The following ORC1 variants were observed in gnomAD, a reference collection of about 807,000 sequenced individuals.
ORC1 encodes origin recognition complex subunit 1.
Under a neutral mutation model 98.9 loss-of-function variants are expected in ORC1, and 61 were observed. That is an observed-to-expected ratio of 0.62 (90% CI 0.50 to 0.76). The LOEUF (loss-of-function observed/expected upper bound fraction) is 0.76, where lower values mean the gene tolerates loss of function less well. ORC1 is among the 30% of genes least tolerant of loss of function. The probability of loss-of-function intolerance (pLI) is 0.00; values close to 1 mark genes in which losing one functional copy is unlikely to be tolerated. For missense variants in ORC1, 979 were observed against 1,072.2 expected, an observed-to-expected ratio of 0.91 and a Z score of 1.21; for synonymous variants, 385 against 406.9, an observed-to-expected ratio of 0.95 and a Z score of 0.65.
chr1:52,377,422 A>G (rs1039917814), intron 14 of ORC1, among the ~76,000 whole-genome samples: 1 of 152,086 alleles, frequency 6.6e-6, no homozygotes, highest in Non-Finnish European at 1.5e-5. Flanking sequence ...CTACAGGCAC[A>G]TGCCATCGCA....
chr1:52,393,525 T>G lies in ORC1; in HGVS notation c.1000A>C (p.Arg334=), dbSNP rs1487810931. Residue 334 remains arginine, a synonymous_variant, in exon 6 of 17, where the codon AGA becomes CGA. Transcript: ENST00000371568. ...ASKTIDIREE[R]TLTPISGGQR... ...CCCCCACTGATAGGGGTAAGTGTTC[T>G]CTCCTCTCTAATGTCTATGGTTTTC... is the stretch of plus-strand genomic sequence containing the variant. 4 of 1,614,146 alleles carry G rather than the reference T, an allele frequency of 2.5e-6. No homozygotes were observed. In the Admixed American group the frequency reaches 5.0e-5, roughly 20 times the overall value.
chr1:52,380,398 T>C (rs1440672928), intron 14 of ORC1, among the ~76,000 whole-genome samples: 1 of 152,100 alleles, frequency 6.6e-6, no homozygotes, highest in African/African-American at 2.4e-5. Context: ...CAATTTCAAA[T>C]AAATAGGATG....
intron 14 of ORC1, among the ~76,000 whole-genome samples, chr1:52,379,496 G>C (rs1647035296): frequency 6.6e-6 from 1 of 151,846 alleles, no homozygotes; most frequent in African/African-American, 2.4e-5. Context: ...ACCTGCCTCA[G>C]CCTCCCAAAG....
chr1:52,381,777 GAC>G lies in ORC1; in HGVS notation c.2014-18_2014-17del. 1 of 1,611,648 alleles carries G rather than the reference GAC, an allele frequency of 6.2e-7. No homozygotes were observed. The highest frequency in any genetic ancestry group is 8.5e-7 in the Non-Finnish European group (1 of 1,178,536). ...TGGTAAGACCCTGGGGAGCCAAAAT[GAC>G]AGAGGAATAAGTTGGTTGACTGCCC... On this transcript the variant is annotated splice_polypyrimidine_tract_variant and intron_variant, in intron 13 of 16. Coordinates refer to ENST00000371568, the MANE Select transcript of ORC1 (RefSeq NM_004153.4).
intron 15 of ORC1, 129 bp from the exon 16 acceptor site, chr1:52,375,026 T>G: frequency 1.4e-6 from 1 of 693,588 alleles, no homozygotes; most frequent in East Asian, 2.7e-5. Context: ...CTATATTATG[T>G]GGCAAGGATC....
chr1:52,394,765 CAGCCTCCCGAGT>C (rs1647319384), intron 5 of ORC1, among the ~76,000 whole-genome samples: 1 of 152,280 alleles, frequency 6.6e-6, no homozygotes, highest in Admixed American at 6.5e-5. Flanking sequence ...TCTCCTGCCT[CAGCCTCCCGAGT>C]AGCTGGGATT....
At chr1:52,408,343 C>A, upstream of ORC1, 1 of 665,110 alleles carries the variant, frequency 1.5e-6, no homozygotes, top group East Asian at 3.0e-5. Context: ...GAAAGTTGAT[C>A]AATATGTATG....
intron 8 of ORC1, 151 bp from the exon 9 acceptor site, chr1:52,386,100 C>T (rs890270513): frequency 2.8e-6 from 2 of 703,400 alleles, no homozygotes; most frequent in Admixed American, 2.1e-5. Flanking sequence ...CATGACTCTC[C>T]CTCTCTCACC....
intron 1 of ORC1, among the ~76,000 whole-genome samples, chr1:52,403,011 T>C (rs373889162): frequency 5.9e-5 from 9 of 152,244 alleles, no homozygotes; most frequent in African/African-American, 2.2e-4. Flanking sequence ...CTGCAATTAC[T>C]GTGCTCTTAA....
chr1:52,396,179 A>G lies in ORC1; in HGVS notation c.588T>C (p.Ser196=). 2 of 1,613,928 alleles carry G rather than the reference A, an allele frequency of 1.2e-6. No homozygotes were observed. Among genetic ancestry groups the G allele is most frequent in the Non-Finnish European group, 8.5e-7 (1 of 1,179,998 alleles). The change falls in exon 5 of 17, where the codon AGT becomes AGC. Residue 196 remains serine (S), a synonymous_variant. Transcript: ENST00000371568. ...CQKPVRAKSK[S]AESPSWTPAE... is the part of the protein sequence containing the mutation. ...CTGGGGTCCAAGAAGGGCTCTCTGC[A>G]CTCTTACTCTTGGCTCTCACGGGTT...
chr1:52,383,375 C>G (rs772704378), intron 13 of ORC1, 45 bp downstream of exon 13: 3 of 1,610,680 alleles, frequency 1.9e-6, no homozygotes, highest in Non-Finnish European at 1.7e-6. Context: ...CTTGGCCAAG[C>G]TTACAGATCT....
At chr1:52,408,746 C>A (rs1569975345), upstream of ORC1, 17 of 1,591,514 alleles carry the variant, frequency 1.1e-5, no homozygotes, top group East Asian at 3.8e-4. Context: ...TTTATTTTAC[C>A]AGTACTTCTA....
chr1:52,406,238 C>G (rs548576180), upstream of ORC1, among the ~76,000 whole-genome samples: 4 of 152,072 alleles, frequency 2.6e-5, no homozygotes, highest in Non-Finnish European at 4.4e-5. Flanking sequence ...ATCCCCTCCC[C>G]CCCCGGGCCT....
chr1:52,389,507 T>G (rs971325514), intron 6 of ORC1, among the ~76,000 whole-genome samples, 186 bp from the exon 7 acceptor site: 4 of 152,108 alleles, frequency 2.6e-5, no homozygotes, highest in Non-Finnish European at 4.4e-5. Context: ...TAATTGAAGC[T>G]TGACTCAAAC....
At chr1:52,386,738 G>A (rs572300569) in intron 8 of ORC1, among the ~76,000 whole-genome samples, 53 of 152,268 alleles carry the variant, frequency 3.5e-4, no homozygotes, top group African/African-American at 1.2e-3. Context: ...AAGAAGGGAG[G>A]ACTGCTTAAA....
intron 14 of ORC1, among the ~76,000 whole-genome samples, chr1:52,377,670 A>T (rs1647010903): frequency 6.6e-6 from 1 of 150,536 alleles, no homozygotes; most frequent in African/African-American, 2.5e-5. Flanking sequence ...ATTTTATTTT[A>T]AAAATGGTAA....
At chr1:52,391,953 T>C (rs1289007136) in intron 6 of ORC1, among the ~76,000 whole-genome samples, 2 of 147,652 alleles carry the variant, frequency 1.4e-5, no homozygotes, top group Non-Finnish European at 3.0e-5. Context: ...GAATAGACAA[T>C]TCACAAAAGA....
At chr1:52,405,948 A>T, upstream of ORC1, 5 of 927,488 alleles carry the variant, frequency 5.4e-6, no homozygotes, top group South Asian at 1.7e-5. Context: ...AGAGAGTTCC[A>T]CTCCAGATTT....
At chr1:52,377,284 T>C (rs991381912) in intron 14 of ORC1, among the ~76,000 whole-genome samples, 1 of 151,658 alleles carries the variant, frequency 6.6e-6, no homozygotes, top group African/African-American at 2.4e-5. Flanking sequence ...TTTGTTGGTT[T>C]TTTTGTTTGA....
Sources: gnomAD v4.1 joint callset for allele counts (sites outside exome capture counted in the v4.1 genomes callset) on GRCh38, gnomAD v4.1.1 for gene constraint, MANE v1.5 for transcripts, NCBI Gene and HGNC (gene_info 2026-07-23, HGNC 2026-07-21) for gene names.